TMPRSS12: variants seen among roughly 807,000 people sequenced by gnomAD.
The protein encoded by TMPRSS12 is transmembrane serine protease 12.
Under a neutral mutation model 26.0 loss-of-function variants are expected in TMPRSS12, and 25 were observed. That is an observed-to-expected ratio of 0.96 (90% confidence interval 0.70 to 1.34). TMPRSS12 has a LOEUF of 1.34. Among genes scored for constraint, TMPRSS12 ranks in the 40% most tolerant of loss-of-function variants. The pLI, the probability that TMPRSS12 is intolerant of heterozygous loss-of-function variation, is 0.00. For synonymous variants in TMPRSS12, 150 were observed against 161.7 expected, an observed-to-expected ratio of 0.93 and a Z score of 0.55; for missense variants, 441 against 440.1, an observed-to-expected ratio of 1.00 and a Z score of -0.02.
intron 3 of TMPRSS12, among the ~76,000 whole-genome samples, chr12:50,883,038 A>G (rs1326814400): frequency 1.3e-5 from 2 of 152,246 alleles, no homozygotes; most frequent in Non-Finnish European, 2.9e-5. Context: ...TATTATAGAT[A>G]GAATTGATGG....
At chr12:50,865,280 C>T (rs1302057977) in intron 3 of TMPRSS12, among the ~76,000 whole-genome samples, 1 of 152,036 alleles carries the variant, frequency 6.6e-6, no homozygotes, top group East Asian at 1.9e-4. Context: ...TGCAGTGAGC[C>T]AAGATCATAT....
chr12:50,856,231 T>C (rs1313230703), intron 2 of TMPRSS12, among the ~76,000 whole-genome samples: 1 of 152,118 alleles, frequency 6.6e-6, no homozygotes, highest in African/African-American at 2.4e-5. Context: ...AATAAAAGTG[T>C]TTGGCACCTC....
Position 50,843,117 on chromosome 12 carries a change from C to A in TMPRSS12, c.153C>A (p.Leu51=). ...SQQAEAVRKR[L]RRRREGGAHA... ...AGGCTGAGGCCGTCCGCAAGAGGCT[C>A]CGGCGGCGGAGGGAGGGAGGGGCGC... The change falls in exon 1 of 5, where the codon CTC becomes CTA. Residue 51 remains leucine (L), a synonymous_variant. Transcript: ENST00000398458. The A allele has an allele frequency of 6.3e-7, 1 of 1,576,066 alleles. No individual in the cohort carries two copies. Among genetic ancestry groups the A allele is most frequent in the Non-Finnish European group, 8.6e-7 (1 of 1,160,718 alleles).
intron 2 of TMPRSS12, among the ~76,000 whole-genome samples, chr12:50,854,062 T>C (rs1370765442): frequency 6.6e-6 from 1 of 152,088 alleles, no homozygotes; most frequent in African/African-American, 2.4e-5. Context: ...TAAACACAGA[T>C]GCAGAAATAC....
rs1320581802 is a variant in TMPRSS12 at position 50,858,848 on chromosome 12, C to T, written c.447C>T (p.Thr149=). 1 of 1,606,604 alleles carries T rather than the reference C, an allele frequency of 6.2e-7. No homozygotes were observed. The highest frequency in any genetic ancestry group is 8.5e-7 in the Non-Finnish European group (1 of 1,176,024). ...TNNIHGRYPH[T]KKIKIKAIII... The stretch of plus-strand genomic sequence containing the variant: ...ATATACATGGACGCTATCCTCATAC[C>T]AAGAAGATAAAAATTAAAGCAATCA... The change falls in exon 3 of 5, where the codon ACC becomes ACT. Residue 149 remains threonine, a synonymous_variant. Transcript: ENST00000398458.
chr12:50,854,032 T>C (rs1101404), intron 2 of TMPRSS12, among the ~76,000 whole-genome samples: 109,379 of 151,808 alleles, frequency 0.72, 39,691 homozygotes, highest in Non-Finnish European at 0.77. Context: ...TAAAAGAAAA[T>C]TTCAGGCCAA....
intron 3 of TMPRSS12, among the ~76,000 whole-genome samples, chr12:50,864,890 A>T (rs1006399543): frequency 3.3e-5 from 5 of 152,042 alleles, no homozygotes; most frequent in Non-Finnish European, 7.4e-5. Flanking sequence ...CGATCTCCTG[A>T]CCTCGTGATC....
chr12:50,883,881 A>T (rs1938198482), intron 3 of TMPRSS12, among the ~76,000 whole-genome samples: 1 of 152,116 alleles, frequency 6.6e-6, no homozygotes, highest in African/African-American at 2.4e-5. Flanking sequence ...ACATGCCCAT[A>T]GTCCCAGGCA....
rs555526830 is a variant in TMPRSS12 at position 50,875,541 on chromosome 12, C to T, written c.653-9705C>T. Among the ~76,000 whole-genome samples, 67 of 146,426 alleles carry T rather than the reference C, an allele frequency of 4.6e-4. 1 individual carries two copies. The South Asian group carries it at 0.014, about 31-fold the overall frequency. On this transcript the variant is annotated intron_variant, in intron 3 of 4. Coordinates refer to ENST00000398458, the MANE Select transcript of TMPRSS12 (RefSeq NM_182559.3). ...TAACCAAAACAACATGGTATTGTTACCAAAACAGCATGGTATTGTTACAAA... is the reference window on the plus strand; with the variant it reads ...TAACCAAAACAACATGGTATTGTTATCAAAACAGCATGGTATTGTTACAAA...
At chr12:50,848,875 G>A (rs981964409) in intron 2 of TMPRSS12, among the ~76,000 whole-genome samples, 2 of 152,136 alleles carry the variant, frequency 1.3e-5, no homozygotes, top group Admixed American at 1.3e-4. Flanking sequence ...ATTTCTTTTT[G>A]TTTGTTTGAG....
At chr12:50,848,495 C>T (rs752472440) in intron 2 of TMPRSS12, among the ~76,000 whole-genome samples, 8 of 152,144 alleles carry the variant, frequency 5.3e-5, no homozygotes, top group Non-Finnish European at 1.0e-4. Flanking sequence ...TTGTTTTTGT[C>T]GTTGTTGTTT....
intron 2 of TMPRSS12, among the ~76,000 whole-genome samples, chr12:50,858,552 T>C (rs1937903293): frequency 6.6e-6 from 1 of 152,228 alleles, no homozygotes; most frequent in African/African-American, 2.4e-5. Flanking sequence ...AATGCTGCCT[T>C]AATAACATAT....
intron 2 of TMPRSS12, among the ~76,000 whole-genome samples, chr12:50,846,020 A>G (rs1258308799): frequency 2.0e-5 from 3 of 152,056 alleles, no homozygotes; most frequent in South Asian, 2.1e-4. Flanking sequence ...GGAGTTCTTT[A>G]TGTATTCTGG....
At position 50,875,554 on chromosome 12, in the gene TMPRSS12, G is replaced by A. The variant is rs1189594635; in HGVS notation, c.653-9692G>A. ...ATGGTATTGTTACCAAAACAGCATG[G>A]TATTGTTACAAAAACAGACACATAG... On this transcript the variant is annotated intron_variant, in intron 3 of 4. Coordinates refer to ENST00000398458, the MANE Select transcript of TMPRSS12 (RefSeq NM_182559.3). Among the ~76,000 whole-genome samples the A allele has an allele frequency of 2.7e-5, 4 of 149,026 alleles. No homozygotes were observed. In the South Asian group the frequency reaches 6.4e-4, roughly 24 times the overall value.
intron 3 of TMPRSS12, among the ~76,000 whole-genome samples, chr12:50,873,609 C>T (rs1464227753): frequency 6.6e-6 from 1 of 152,164 alleles, no homozygotes; most frequent in African/African-American, 2.4e-5. Context: ...AATAAACATT[C>T]TCCGTACACA....
intron 2 of TMPRSS12, among the ~76,000 whole-genome samples, chr12:50,855,075 A>G (rs1258017349): frequency 6.6e-6 from 1 of 152,226 alleles, no homozygotes; most frequent in Admixed American, 6.5e-5. Flanking sequence ...CTGGAAGGCT[A>G]CAGTAACTAA....
chr12:50,850,696 A>G (rs1937818024), intron 2 of TMPRSS12, among the ~76,000 whole-genome samples: 1 of 152,192 alleles, frequency 6.6e-6, no homozygotes, highest in African/African-American at 2.4e-5. Flanking sequence ...CAGTGCACAC[A>G]CACATGGACC....
At chr12:50,872,240 G>A (rs895630424) in intron 3 of TMPRSS12, among the ~76,000 whole-genome samples, 32 of 152,242 alleles carry the variant, frequency 2.1e-4, no homozygotes, top group African/African-American at 6.7e-4. Context: ...AAGGCCGGGC[G>A]CGGTGGCTCA....
At chr12:50,852,658 G>A (rs975763723) in intron 2 of TMPRSS12, among the ~76,000 whole-genome samples, 8 of 152,096 alleles carry the variant, frequency 5.3e-5, no homozygotes, top group Non-Finnish European at 1.0e-4. Flanking sequence ...AACCATCTTG[G>A]CCTTCCAAAG....
Sources: gnomAD v4.1 joint callset for allele counts (sites outside exome capture counted in the v4.1 genomes callset) on GRCh38, gnomAD v4.1.1 for gene constraint, MANE v1.5 for transcripts, NCBI Gene and HGNC (gene_info 2026-07-23, HGNC 2026-07-21) for gene names.